Variants in UPP2 observed in about 807,000 individuals in gnomAD.
UPP2 encodes uridine phosphorylase 2, also known as UPase 2.
Under a neutral mutation model 26.7 loss-of-function variants are expected in UPP2, and 23 were observed. That is an observed-to-expected ratio of 0.86 (90% CI 0.62 to 1.22). The LOEUF (loss-of-function observed/expected upper bound fraction) is 1.22, where lower values mean the gene tolerates loss of function less well. Among genes scored for constraint, UPP2 ranks in the 50% most tolerant of loss-of-function variants. The pLI, the probability that UPP2 is intolerant of heterozygous loss-of-function variation, is 0.00. For synonymous variants in UPP2, 127 were observed against 141.3 expected (o/e 0.90, Z 0.72); for missense variants, 387 against 396.7 (o/e 0.98, Z 0.21).
At chr2:158,005,000 C>G (rs1031294823) in intron 2 of UPP2, among the ~76,000 whole-genome samples, 28 of 152,146 alleles carry the variant, frequency 1.8e-4, no homozygotes, top group African/African-American at 6.5e-4. Flanking sequence ...TTACAGTACC[C>G]TAGGTTGGGT....
At chr2:158,011,089 CT>C (rs1683569421) in intron 2 of UPP2, among the ~76,000 whole-genome samples, 1 of 152,118 alleles carries the variant, frequency 6.6e-6, no homozygotes, top group Non-Finnish European at 1.5e-5. Context: ...CTTAATAAAG[CT>C]TCTGATCTGG....
intron 3 of UPP2, among the ~76,000 whole-genome samples, chr2:158,087,603 C>G (rs886390534): frequency 6.6e-6 from 1 of 152,084 alleles, no homozygotes; most frequent in African/African-American, 2.4e-5. Flanking sequence ...GAGATTTATG[C>G]TTTAATGAGG....
chr2:158,074,169 C>T (rs1682588710), intron 3 of UPP2, among the ~76,000 whole-genome samples: 1 of 151,994 alleles, frequency 6.6e-6, no homozygotes, highest in Non-Finnish European at 1.5e-5. Flanking sequence ...AGAGTGAGAC[C>T]CTGTCTCAAA....
intron 2 of UPP2, among the ~76,000 whole-genome samples, chr2:158,005,002 A>G (rs761874006): frequency 2.6e-5 from 4 of 152,192 alleles, no homozygotes; most frequent in Non-Finnish European, 5.9e-5. Flanking sequence ...ACAGTACCCT[A>G]GGTTGGGTGT....
intron 2 of UPP2, among the ~76,000 whole-genome samples, chr2:157,996,542 T>A (rs1251700506): frequency 6.6e-6 from 1 of 152,232 alleles, no homozygotes; most frequent in Admixed American, 6.5e-5. Flanking sequence ...TTATTCCGGC[T>A]AATTATAAAT....
chr2:158,090,909 C>T (rs969989469), intron 3 of UPP2, among the ~76,000 whole-genome samples: 1 of 152,084 alleles, frequency 6.6e-6, no homozygotes, highest in Admixed American at 6.5e-5. Flanking sequence ...TGTAGGTGAC[C>T]GTTGAACCTG....
chr2:158,080,679 G>T (rs529765545), intron 3 of UPP2, among the ~76,000 whole-genome samples: 2 of 152,194 alleles, frequency 1.3e-5, no homozygotes, highest in East Asian at 3.9e-4. Flanking sequence ...GCCAAACGTT[G>T]GAAATATTTT....
chr2:158,095,536 G>A (rs1682972086), intron 3 of UPP2, among the ~76,000 whole-genome samples: 1 of 152,158 alleles, frequency 6.6e-6, no homozygotes, highest in African/African-American at 2.4e-5. Flanking sequence ...AGTAGAAAGA[G>A]TTTTCATGGT....
chr2:158,097,401 A>T (rs186590670), upstream of UPP2, among the ~76,000 whole-genome samples: 76 of 152,156 alleles, frequency 5.0e-4, no homozygotes, highest in Middle Eastern at 6.8e-3. Context: ...ATATAGAGAG[A>T]GTGTGTATAT....
At chr2:157,996,781 T>A (rs1310353672) in intron 2 of UPP2, among the ~76,000 whole-genome samples, 1 of 152,136 alleles carries the variant, frequency 6.6e-6, no homozygotes, top group Non-Finnish European at 1.5e-5. Flanking sequence ...AATGAGAAGT[T>A]TAATAGGAAA....
chr2:158,027,798 G>A (rs1683858025), intron 3 of UPP2, among the ~76,000 whole-genome samples: 2 of 152,200 alleles, frequency 1.3e-5, no homozygotes, highest in Admixed American at 1.3e-4. Context: ...TCTAGGCGGA[G>A]GTTTCCAAAC....
chr2:158,074,978 T>G (rs1682608703), intron 3 of UPP2, among the ~76,000 whole-genome samples: 1 of 151,816 alleles, frequency 6.6e-6, no homozygotes, highest in Admixed American at 6.6e-5. Context: ...GTGGCAATAC[T>G]TATATGAGAC....
chr2:158,069,169 A>G (rs1367546651), intron 3 of UPP2, among the ~76,000 whole-genome samples: 2 of 152,040 alleles, frequency 1.3e-5, no homozygotes, highest in African/African-American at 2.4e-5. Flanking sequence ...CCAAGGTACA[A>G]TAAGACACAT....
At chr2:158,039,212 G>A (rs772044747) in intron 3 of UPP2, among the ~76,000 whole-genome samples, 2 of 152,130 alleles carry the variant, frequency 1.3e-5, no homozygotes, top group Admixed American at 1.3e-4. Flanking sequence ...AATTAGTAAT[G>A]GGCTCTAACT....
chr2:158,073,630 T>C (rs1682579196), intron 3 of UPP2, among the ~76,000 whole-genome samples: 1 of 152,134 alleles, frequency 6.6e-6, no homozygotes, highest in Non-Finnish European at 1.5e-5. Flanking sequence ...CTCCAATACA[T>C]CTGGCAGCAG....
At chr2:158,058,450 T>TGTGTGTGTGTGTACGC (rs1553465978) in intron 3 of UPP2, among the ~76,000 whole-genome samples, 9 of 127,188 alleles carry the variant, frequency 7.1e-5, no homozygotes, top group African/African-American at 2.1e-4. Flanking sequence ...TGTGTGTGTG[T>TGTGTGTGTGTGTACGC]ACGCGCATGC....
At chr2:158,100,523 G>T (rs1194149253), upstream of UPP2, among the ~76,000 whole-genome samples, 1 of 152,182 alleles carries the variant, frequency 6.6e-6, no homozygotes, top group African/African-American at 2.4e-5. Flanking sequence ...ATAAAGGTGT[G>T]CTGGTGCCAG....
At chr2:158,057,373 G>C (rs892338885) in intron 3 of UPP2, among the ~76,000 whole-genome samples, 2 of 152,152 alleles carry the variant, frequency 1.3e-5, no homozygotes, top group African/African-American at 4.8e-5. Context: ...AGATTTGTCT[G>C]TTTCCCCCCA....
At chr2:158,129,524 C>A (rs1184556810) in intron 6 of UPP2, among the ~76,000 whole-genome samples, 1 of 151,990 alleles carries the variant, frequency 6.6e-6, no homozygotes, top group Admixed American at 6.5e-5. Flanking sequence ...AGGAAACAGA[C>A]TAAAACAGAG....
Sources: gnomAD v4.1 joint callset for allele counts (sites outside exome capture counted in the v4.1 genomes callset) on GRCh38, gnomAD v4.1.1 for gene constraint, MANE v1.5 for transcripts, NCBI Gene and HGNC (gene_info 2026-07-23, HGNC 2026-07-21) for gene names.